Variants in SH2B3 observed in about 807,000 individuals in gnomAD.
SH2B3 encodes SH2B adaptor protein 3.
A neutral mutation model predicts 51.9 loss-of-function variants in SH2B3; 43 were observed. The observed-to-expected ratio is 0.83, with a 90% CI of 0.65 to 1.07. The LOEUF (loss-of-function observed/expected upper bound fraction) is 1.07, where lower values mean the gene tolerates loss of function less well. Ranked by LOEUF, SH2B3 falls within the 50% of genes least tolerant of loss-of-function variation. The pLI is 0.00. For missense variants in SH2B3, 952 were observed against 834.3 expected (o/e 1.14, Z -1.74); for synonymous variants, 396 against 376.0 (o/e 1.05, Z -0.62).
chr12:111,418,223 G>A lies in SH2B3; in HGVS notation c.78G>A (p.Trp26Ter), dbSNP rs1189359287. 4 of 1,582,166 alleles carry A rather than the reference G, an allele frequency of 2.5e-6. No individual in the cohort carries two copies. The highest frequency in any genetic ancestry group is 3.4e-6 in the Non-Finnish European group (4 of 1,173,478). ...SASPAAAPRG[W>*]SEFCELHAVA... is the part of the protein sequence containing the mutation. ...CCCCGGCGGCGGCCCCGCGGGGCTGGAGCGAGTTCTGTGAGTTGCACGCCG... is the reference window on the plus strand; with the variant it reads ...CCCCGGCGGCGGCCCCGCGGGGCTGAAGCGAGTTCTGTGAGTTGCACGCCG... The change falls in exon 2 of 8, where the codon TGG becomes TGA. Residue 26 changes from tryptophan to a stop codon, truncating the protein, a stop_gained. Coordinates refer to ENST00000341259, the MANE Select transcript of SH2B3 (RefSeq NM_005475.3). LOFTEE classifies it high-confidence loss of function. The surrounding 1 kb of genome is among the most constrained non-coding windows in gnomAD (Gnocchi z 6.7).
rs1017036806 is a variant in SH2B3, at chr12:111,407,623, T to C, written c.-28+1346T>C. Among the ~76,000 whole-genome samples the C allele has an allele frequency of 6.6e-5, 10 of 152,070 alleles. No homozygotes were observed. Among genetic ancestry groups the C allele is most frequent in the African/African-American group, 2.4e-4 (10 of 41,410 alleles). ...GAGAGCCAGGGCCTACTGGGGGAAGTTGGAAGGGTTTTTAGTGCACTTTTC... is the reference window on the plus strand; with the variant it reads ...GAGAGCCAGGGCCTACTGGGGGAAGCTGGAAGGGTTTTTAGTGCACTTTTC... On this transcript the variant is annotated intron_variant, in intron 1 of 7. Transcript: ENST00000341259. The surrounding 1 kb of genome is among the most constrained non-coding windows in gnomAD (Gnocchi z 4.3).
chr12:111,447,552 G>C lies in SH2B3; in HGVS notation c.1236+8G>C. The C allele has an allele frequency of 1.1e-6, 1 of 893,264 alleles. No individual in the cohort carries two copies. Among genetic ancestry groups the C allele is most frequent in the Non-Finnish European group, 1.4e-6 (1 of 720,756 alleles). 55.3% of individuals were successfully genotyped at this position (893,264 alleles called of 1,614,324 possible). ...TTTCAGGGGATAGCCAAGGTATGGG[G>C]TGGGGTGGGGTGGGGTGGGGCAGGC... On this transcript the variant is annotated splice_region_variant and intron_variant, in intron 6 of 7. Transcript: ENST00000341259.
rs1032126705 is a variant in SH2B3 at position 111,438,348 on chromosome 12, C to T, written c.733-8405C>T. Among the ~76,000 whole-genome samples the T allele has an allele frequency of 6.3e-4, 96 of 152,170 alleles. No individual in the cohort carries two copies. Among genetic ancestry groups the T allele is most frequent in the Admixed American group, 5.2e-3 (79 of 15,288 alleles). ...ATGGGGGCTCCTGATGGTGCCCTTG[C>T]GGGGAGGTCAGGGGGCTGACACACC... On this transcript the variant is annotated intron_variant, in intron 2 of 7. Coordinates refer to ENST00000341259, the MANE Select transcript of SH2B3 (RefSeq NM_005475.3). The surrounding 1 kb of genome is among the most constrained non-coding windows in gnomAD (Gnocchi z 4.2).
chr12:111,405,749 G>T (rs1262716499), upstream of SH2B3, among the ~76,000 whole-genome samples: 2 of 152,154 alleles, frequency 1.3e-5, no homozygotes, highest in African/African-American at 4.8e-5. The surrounding 1 kb of genome is among the most constrained non-coding windows in gnomAD (Gnocchi z 5.4). Flanking sequence ...CCGCGGACTA[G>T]CGGGATTGGT....
intron 2 of SH2B3, chr12:111,434,870 G>A: frequency 1.3e-6 from 2 of 1,535,378 alleles, no homozygotes; most frequent in Non-Finnish European, 8.7e-7. Context: ...TGATAGTAAT[G>A]AGAGTCCGTG....
At chr12:111,434,913 G>A (rs1193605218) in intron 2 of SH2B3, 57 of 1,535,518 alleles carry the variant, frequency 3.7e-5, no homozygotes, top group Admixed American at 7.8e-5. Flanking sequence ...TGGGATTCCC[G>A]GTGCTGTGCC....
intron 2 of SH2B3, among the ~76,000 whole-genome samples, chr12:111,421,719 G>A (rs1408922705): frequency 1.3e-5 from 2 of 152,014 alleles, no homozygotes; most frequent in Non-Finnish European, 2.9e-5. Flanking sequence ...GCCCAGCCGG[G>A]TTTGTTTCTT....
At chr12:111,412,724 A>T (rs1870796523) in intron 1 of SH2B3, among the ~76,000 whole-genome samples, 1 of 151,992 alleles carries the variant, frequency 6.6e-6, no homozygotes, top group African/African-American at 2.4e-5. Flanking sequence ...CCCAGCCACC[A>T]TGCCAGGCTA....
In SH2B3 at chr12:111,410,615, G is replaced by C. The variant is rs946365506; in HGVS notation, c.-28+4338G>C. Among the ~76,000 whole-genome samples, 5 of 152,188 alleles carry C rather than the reference G, an allele frequency of 3.3e-5. No homozygotes were observed. Among genetic ancestry groups the C allele is most frequent in the Non-Finnish European group, 7.4e-5 (5 of 68,016 alleles). On this transcript the variant is annotated intron_variant, in intron 1 of 7. Transcript: ENST00000341259. This position sits in a 1 kb window ranked among gnomAD's most constrained non-coding sequence, Gnocchi z 4.9. ...GAAGCCAGAGGACATTTCCTGTTCT[G>C]GCAGACTGTGCTGGCCTGATAAATG...
rs568655028 is a variant in SH2B3, at chr12:111,410,696, C to A, written c.-28+4419C>A. Among the ~76,000 whole-genome samples the A allele has an allele frequency of 6.6e-5, 10 of 152,274 alleles. No homozygotes were observed. Among genetic ancestry groups the A allele is most frequent in the Admixed American group, 2.6e-4 (4 of 15,304 alleles). On this transcript the variant is annotated intron_variant, in intron 1 of 7. Transcript: ENST00000341259. This position sits in a 1 kb window ranked among gnomAD's most constrained non-coding sequence, Gnocchi z 4.9. ...GTGCATCAGTGTCCAGCCAGCTGCCCCGTGGCCTGGGGTAGAACCCACCTC... is the reference window on the plus strand; with the variant it reads ...GTGCATCAGTGTCCAGCCAGCTGCCACGTGGCCTGGGGTAGAACCCACCTC...
At chr12:111,432,914 A>T (rs1403594261) in intron 2 of SH2B3, among the ~76,000 whole-genome samples, 1 of 152,236 alleles carries the variant, frequency 6.6e-6, no homozygotes, top group Non-Finnish European at 1.5e-5. Context: ...CACTTAATAG[A>T]CATCAGGTTA....
At position 111,418,929 on chromosome 12, in the gene SH2B3, C is replaced by T; in HGVS notation, c.732+52C>T. 2.2e-6 allele frequency: 3 copies of T among 1,352,494 alleles called. No individual in the cohort carries two copies. The highest frequency in any genetic ancestry group is 1.9e-6 in the Non-Finnish European group (2 of 1,058,002). The allele number at this position is 1,352,494 out of a possible 1,614,324, so 83.8% of individuals were successfully genotyped here. A position where few individuals can be genotyped will look rare whatever the true frequency, so the allele number is the denominator to read the frequency against. ...CGCACTGCACTGCGCCCTTCGCCTTCACCCTGGGGAGAGCGCGGGCTGGGG... is the reference window on the plus strand; with the variant it reads ...CGCACTGCACTGCGCCCTTCGCCTTTACCCTGGGGAGAGCGCGGGCTGGGG... On this transcript the variant is annotated intron_variant, in intron 2 of 7. Transcript: ENST00000341259. The surrounding 1 kb of genome is among the most constrained non-coding windows in gnomAD (Gnocchi z 6.7).
chr12:111,415,581 GT>G (rs1416900147), intron 1 of SH2B3, among the ~76,000 whole-genome samples: 1 of 146,632 alleles, frequency 6.8e-6, no homozygotes, highest in African/African-American at 2.5e-5. Flanking sequence ...TTTATTTTTT[GT>G]TTTATATTTA....
chr12:111,405,595 G>T (rs996561606), upstream of SH2B3, among the ~76,000 whole-genome samples: 2 of 152,116 alleles, frequency 1.3e-5, no homozygotes, highest in African/African-American at 4.8e-5. This position sits in a 1 kb window ranked among gnomAD's most constrained non-coding sequence, Gnocchi z 5.4. Context: ...GAGTGGGTGG[G>T]GCTAAAGTCG....
intron 1 of SH2B3, among the ~76,000 whole-genome samples, chr12:111,416,187 C>G (rs988375731): frequency 1.3e-5 from 2 of 152,284 alleles, no homozygotes; most frequent in African/African-American, 4.8e-5. Flanking sequence ...CGTGATCTGC[C>G]TGCCTCGGCC....
rs766663343 is a variant in SH2B3 at position 111,435,423 on chromosome 12, C to G, written c.733-11330C>G. The stretch of plus-strand genomic sequence containing the variant: ...TAGCCCAAGCTGGAGTGCAGTAGCA[C>G]GATCTCGGCTCACTGCAACCTCCGC... On this transcript the variant is annotated intron_variant, in intron 2 of 7. Transcript: ENST00000341259. This position sits in a 1 kb window ranked among gnomAD's most constrained non-coding sequence, Gnocchi z 4.8. Among the ~76,000 whole-genome samples the G allele has an allele frequency of 2.0e-5, 3 of 152,214 alleles. No homozygotes were observed. Among genetic ancestry groups the G allele is most frequent in the Non-Finnish European group, 4.4e-5 (3 of 68,024 alleles).
At chr12:111,420,216 A>G (rs191627787) in intron 2 of SH2B3, among the ~76,000 whole-genome samples, 1 of 152,148 alleles carries the variant, frequency 6.6e-6, no homozygotes, top group Non-Finnish European at 1.5e-5. Context: ...AAAAATACCA[A>G]AATTAGCTGG....
rs980404598 is a variant in SH2B3 at position 111,410,381 on chromosome 12, G to A, written c.-28+4104G>A. On this transcript the variant is annotated intron_variant, in intron 1 of 7. Coordinates refer to ENST00000341259, the MANE Select transcript of SH2B3 (RefSeq NM_005475.3). This position sits in a 1 kb window ranked among gnomAD's most constrained non-coding sequence, Gnocchi z 4.9. ...GTCCCCAAGTAGCACGTGGGGAGGAGGTTCACCCACAGGCTGCCCTCCTAG... is the reference window on the plus strand; with the variant it reads ...GTCCCCAAGTAGCACGTGGGGAGGAAGTTCACCCACAGGCTGCCCTCCTAG... Among the ~76,000 whole-genome samples the A allele has an allele frequency of 9.9e-5, 15 of 152,170 alleles. No individual in the cohort carries two copies. Among genetic ancestry groups the A allele is most frequent in the African/African-American group, 3.4e-4 (14 of 41,464 alleles).
At chr12:111,425,129 G>T (rs1871888279) in intron 2 of SH2B3, among the ~76,000 whole-genome samples, 1 of 152,044 alleles carries the variant, frequency 6.6e-6, no homozygotes, top group Non-Finnish European at 1.5e-5. Context: ...CCGACCTGCT[G>T]TGTGACCGCG....
Sources: gnomAD v4.1 joint callset for allele counts (sites outside exome capture counted in the v4.1 genomes callset) on GRCh38, gnomAD v4.1.1 for gene constraint, Gnocchi (gnomAD v3.1) non-coding constraint, MANE v1.5 for transcripts, NCBI Gene and HGNC (gene_info 2026-07-23, HGNC 2026-07-21) for gene names.